The following STPG2 variants were observed in gnomAD, a reference collection of about 807,000 sequenced individuals.
The protein encoded by STPG2 is sperm tail PG-rich repeat containing 2.
STPG2 carries 56 observed loss-of-function variants against 54.2 expected under a neutral mutation model. The observed-to-expected ratio is 1.03, with a 90% CI of 0.83 to 1.29. The LOEUF is 1.29. Ranked by LOEUF, STPG2 falls within the 50% of genes most tolerant of loss-of-function variation. The pLI is 0.00. For missense variants in STPG2, 596 were observed against 544.9 expected (o/e 1.09, Z -0.93); for synonymous variants, 200 against 181.8 (o/e 1.10, Z -0.81).
At chr4:98,021,459 T>C (rs1430592703) in intron 5 of STPG2, among the ~76,000 whole-genome samples, 1 of 151,910 alleles carries the variant, frequency 6.6e-6, no homozygotes, top group Admixed American at 6.6e-5. Context: ...AATTTTGGAA[T>C]AGGTGTGGTG....
At chr4:97,769,090 A>G (rs778626978) in intron 9 of STPG2, among the ~76,000 whole-genome samples, 2 of 151,860 alleles carry the variant, frequency 1.3e-5, no homozygotes, top group Non-Finnish European at 1.5e-5. Context: ...GGTGTGTCCA[A>G]CCTCCTATCC....
intron 3 of STPG2, among the ~76,000 whole-genome samples, chr4:98,110,334 G>A (rs1450238629): frequency 6.6e-6 from 1 of 152,116 alleles, no homozygotes; most frequent in African/African-American, 2.4e-5. Flanking sequence ...TAACATCTCA[G>A]GAGTTGCGCG....
chr4:98,089,837 T>C (rs532809902), intron 5 of STPG2, among the ~76,000 whole-genome samples: 35 of 152,254 alleles, frequency 2.3e-4, no homozygotes, highest in Non-Finnish European at 3.8e-4. Flanking sequence ...GTTGGTTATT[T>C]GTCTATCTTC....
At chr4:98,050,295 T>C (rs1737276094) in intron 5 of STPG2, among the ~76,000 whole-genome samples, 1 of 152,170 alleles carries the variant, frequency 6.6e-6, no homozygotes, top group South Asian at 2.1e-4. Flanking sequence ...GGTATTTACA[T>C]CAAAATAATT....
At chr4:97,663,416 A>G (rs144412686) in intron 10 of STPG2, among the ~76,000 whole-genome samples, 32 of 152,342 alleles carry the variant, frequency 2.1e-4, no homozygotes, top group Non-Finnish European at 4.3e-4. Context: ...CAATTCAGCA[A>G]ATATCCTAAA....
At chr4:97,525,336 G>A (rs990633687) in intron 4 of STPG2, among the ~76,000 whole-genome samples, 2 of 151,824 alleles carry the variant, frequency 1.3e-5, no homozygotes, top group Non-Finnish European at 2.9e-5. Context: ...AGTTTACACA[G>A]GACTAAGAGA....
intron 4 of STPG2, among the ~76,000 whole-genome samples, chr4:97,462,840 C>T (rs1469131250): frequency 2.0e-5 from 3 of 152,048 alleles, no homozygotes; most frequent in Non-Finnish European, 4.4e-5. Context: ...TTTATTTCTT[C>T]CTTATTGTAT....
chr4:97,470,009 T>A (rs1156307613), intron 4 of STPG2, among the ~76,000 whole-genome samples: 1 of 152,140 alleles, frequency 6.6e-6, no homozygotes, highest in Non-Finnish European at 1.5e-5. Flanking sequence ...GAAATTTACA[T>A]GAGTAAAAAA....
chr4:97,561,615 A>G (rs902234541), intron 10 of STPG2, among the ~76,000 whole-genome samples: 1 of 152,092 alleles, frequency 6.6e-6, no homozygotes, highest in Admixed American at 6.5e-5. Context: ...ATCTTGAATT[A>G]ATTTTTGTAT....
At chr4:97,503,064 G>A (rs1730761452) in intron 4 of STPG2, among the ~76,000 whole-genome samples, 1 of 151,826 alleles carries the variant, frequency 6.6e-6, no homozygotes, top group African/African-American at 2.4e-5. Context: ...GTTACCCAAG[G>A]GATAGTTCAA....
chr4:98,084,569 C>A (rs917054227), intron 5 of STPG2, among the ~76,000 whole-genome samples: 2 of 151,980 alleles, frequency 1.3e-5, no homozygotes, highest in Non-Finnish European at 2.9e-5. Context: ...TTTTACATTC[C>A]CATAAGGGAT....
intron 8 of STPG2, among the ~76,000 whole-genome samples, chr4:97,898,617 C>T (rs996049411): frequency 1.3e-5 from 2 of 151,596 alleles, no homozygotes; most frequent in Non-Finnish European, 3.0e-5. Flanking sequence ...ATCATCTAGC[C>T]CTTGTCTAAC....
At chr4:97,686,121 CTAAATGT>C (rs1723180827) in intron 10 of STPG2, among the ~76,000 whole-genome samples, 1 of 152,176 alleles carries the variant, frequency 6.6e-6, no homozygotes, top group Non-Finnish European at 1.5e-5. Context: ...TGGAAATCCA[CTAAATGT>C]TCTCATGTCA....
chr4:97,612,566 T>C (rs927094643), intron 10 of STPG2, among the ~76,000 whole-genome samples: 7 of 152,096 alleles, frequency 4.6e-5, no homozygotes, highest in Non-Finnish European at 8.8e-5. Context: ...GAAGTTTCAA[T>C]GGCCTTAGTG....
intron 8 of STPG2, among the ~76,000 whole-genome samples, chr4:97,855,215 A>T (rs6851840): frequency 6.6e-6 from 1 of 151,862 alleles, no homozygotes; most frequent in Non-Finnish European, 1.5e-5. Flanking sequence ...ACAAATATAC[A>T]CATGAATGTA....
chr4:97,857,616 C>T (rs1322892522), intron 8 of STPG2, among the ~76,000 whole-genome samples: 3 of 151,828 alleles, frequency 2.0e-5, no homozygotes, highest in Non-Finnish European at 4.4e-5. Context: ...TGGATTCATT[C>T]ATTTTTTTCA....
intron 8 of STPG2, among the ~76,000 whole-genome samples, chr4:97,879,610 T>TC (rs1239193558): frequency 1.3e-5 from 2 of 151,820 alleles, no homozygotes; most frequent in Admixed American, 1.3e-4. Flanking sequence ...TCTTACCAGG[T>TC]CCCCCCTGCA....
chr4:97,524,322 C>A (rs183004396), intron 4 of STPG2, among the ~76,000 whole-genome samples: 14 of 152,000 alleles, frequency 9.2e-5, no homozygotes, highest in African/African-American at 3.4e-4. Flanking sequence ...AGACTTGTTT[C>A]TTTTTAGTTG....
intron 9 of STPG2, among the ~76,000 whole-genome samples, chr4:97,809,166 T>C (rs908776657): frequency 5.9e-5 from 9 of 152,146 alleles, no homozygotes; most frequent in South Asian, 2.1e-4. Flanking sequence ...AATTAAATAA[T>C]GAAAATGCTC....
Sources: allele counts gnomAD v4.1 joint callset (sites outside exome capture counted in the v4.1 genomes callset), GRCh38; gene constraint gnomAD v4.1.1; transcripts MANE v1.5; gene names NCBI Gene and HGNC (gene_info 2026-07-23, HGNC 2026-07-21).